Variants in ABITRAM observed in about 807,000 individuals in gnomAD.
The protein encoded by ABITRAM is actin binding transcription modulator.
A neutral mutation model predicts 22.9 loss-of-function variants in ABITRAM; 19 were observed. The ratio of observed to expected loss-of-function variants is 0.83; its 90% CI spans 0.58 to 1.22. The LOEUF (loss-of-function observed/expected upper bound fraction) is 1.22. Among genes scored for constraint, ABITRAM ranks in the 50% most tolerant of loss-of-function variants. ABITRAM has a pLI of 0.00. For missense variants in ABITRAM, 215 were observed against 220.2 expected (o/e 0.98, Z 0.15); for synonymous variants, 70 against 73.9 (o/e 0.95, Z 0.27).
chr9:108,938,034 A>G (rs1022779709), intron 3 of ABITRAM, among the ~76,000 whole-genome samples: 2 of 151,934 alleles, frequency 1.3e-5, no homozygotes, highest in African/African-American at 2.4e-5. Context: ...TCCTGTTACA[A>G]GTGAAGAACA....
downstream of ABITRAM, chr9:108,943,763 A>C: frequency 6.2e-7 from 1 of 1,613,916 alleles, no homozygotes; most frequent in Non-Finnish European, 8.5e-7. Flanking sequence ...GGTGGCATAG[A>C]GGAATTAGCT....
chr9:108,943,903 C>A (rs1830321525), downstream of ABITRAM: 2 of 1,598,088 alleles, frequency 1.3e-6, no homozygotes, highest in Admixed American at 3.4e-5. Flanking sequence ...GATATTATAC[C>A]CCCAAAGTAG....
downstream of ABITRAM, among the ~76,000 whole-genome samples, chr9:108,941,740 T>TA (rs1368946182): frequency 6.6e-6 from 1 of 152,170 alleles, no homozygotes; most frequent in Non-Finnish European, 1.5e-5. Flanking sequence ...CATACCCTGT[T>TA]AGATTTCAAA....
intron 3 of ABITRAM, chr9:108,948,254 TAAGAAGG>T: frequency 6.2e-7 from 1 of 1,604,864 alleles, no homozygotes; most frequent in South Asian, 1.1e-5. Flanking sequence ...AATTAATTGT[TAAGAAGG>T]TAACAAAAAG....
rs1830231933 is a variant in ABITRAM at position 108,939,591 on chromosome 9, G to T, written c.451G>T (p.Glu151Ter). The change falls in exon 6 of 6, where the codon GAA becomes TAA. Residue 151 changes from glutamate to a stop codon, truncating the protein, a stop_gained. Transcript: ENST00000322940. LOFTEE classifies it high-confidence loss of function. The part of the protein sequence containing the change: ...GYIAVVLPKF[E>*]ESKSITEGLL... ...CATTGCAGTTGTGTTACCCAAATTTGAAGAAAGTAAAAGCATAACAGAAGG... is the reference window on the plus strand; with the variant it reads ...CATTGCAGTTGTGTTACCCAAATTTTAAGAAAGTAAAAGCATAACAGAAGG... The T allele has an allele frequency of 6.2e-7, 1 of 1,613,616 alleles. No individual in the cohort carries two copies. Among genetic ancestry groups the T allele is most frequent in the Non-Finnish European group, 8.5e-7 (1 of 1,179,910 alleles).
chr9:108,945,887 G>C (rs141895104), downstream of ABITRAM, among the ~76,000 whole-genome samples: 9 of 152,260 alleles, frequency 5.9e-5, no homozygotes, highest in African/African-American at 1.9e-4. Context: ...TACTTAACAT[G>C]TGCAAAACAA....
intron 3 of ABITRAM, among the ~76,000 whole-genome samples, chr9:108,936,914 G>A (rs1830196149): frequency 6.6e-6 from 1 of 151,908 alleles, no homozygotes; most frequent in African/African-American, 2.4e-5. Context: ...TATAATCTCA[G>A]CATTTTGGGA....
intron 3 of ABITRAM, 70 bp from the exon 4 acceptor site, chr9:108,939,126 C>A: frequency 7.6e-7 from 1 of 1,312,236 alleles, no homozygotes; most frequent in Non-Finnish European, 1.1e-6. Context: ...TGTTATACAC[C>A]TAAGGGCTAC....
At chr9:108,934,642 G>A in intron 1 of ABITRAM, 77 bp downstream of exon 1, 1 of 1,377,878 alleles carries the variant, frequency 7.3e-7, no homozygotes, top group South Asian at 1.3e-5. Context: ...CAGATCATAA[G>A]CCACGCGCGC....
chr9:108,948,072 G>A, intron 3 of ABITRAM: 2 of 1,203,572 alleles, frequency 1.7e-6, no homozygotes, highest in East Asian at 5.0e-5. Flanking sequence ...GTAATACACA[G>A]GTAGGTACAG....
intron 2 of ABITRAM, 37 bp downstream of exon 2, chr9:108,935,726 T>A (rs759637614): frequency 3.9e-6 from 6 of 1,519,732 alleles, no homozygotes; most frequent in Non-Finnish European, 4.6e-6. Context: ...TCAAAAATTT[T>A]TTTTTCCTGG....
intron 3 of ABITRAM, chr9:108,948,271 G>T (rs1200711546): frequency 6.3e-7 from 1 of 1,581,194 alleles, no homozygotes. Context: ...GTAACAAAAA[G>T]TTATTACCTG....
downstream of ABITRAM, chr9:108,943,936 G>A: frequency 6.2e-7 from 1 of 1,610,664 alleles, no homozygotes; most frequent in African/African-American, 1.3e-5. Flanking sequence ...ACCACCACCA[G>A]CTCCAGGTAG....
intron 1 of ABITRAM, among the ~76,000 whole-genome samples, chr9:108,935,374 A>T (rs1327792627): frequency 6.6e-6 from 1 of 152,200 alleles, no homozygotes; most frequent in Non-Finnish European, 1.5e-5. Context: ...ACGTGTACTC[A>T]TTTTGAAGTG....
At chr9:108,934,766 C>G (rs572918270) in intron 1 of ABITRAM, among the ~76,000 whole-genome samples, 1 of 152,274 alleles carries the variant, frequency 6.6e-6, no homozygotes, top group Non-Finnish European at 1.5e-5. Context: ...AGGGCGCATT[C>G]TGGGGCCGGC....
At chr9:108,939,525 T>C in intron 5 of ABITRAM, 24 bp from the exon 6 acceptor site, 1 of 1,612,636 alleles carries the variant, frequency 6.2e-7, no homozygotes, top group Non-Finnish European at 8.5e-7. Flanking sequence ...CGTTTGACAG[T>C]ACTAAATGTT....
chr9:108,934,743 C>T (rs969585507), intron 1 of ABITRAM, among the ~76,000 whole-genome samples, 178 bp downstream of exon 1: 1 of 152,178 alleles, frequency 6.6e-6, no homozygotes, highest in Middle Eastern at 3.2e-3. Flanking sequence ...GACCTGGTGG[C>T]CTGAAATACT....
chr9:108,944,008 G>C (rs767237003), downstream of ABITRAM: 2 of 1,613,578 alleles, frequency 1.2e-6, no homozygotes, highest in Non-Finnish European at 1.7e-6. Flanking sequence ...TAAACCCTCT[G>C]CAGCAAAAAC....
chr9:108,942,844 G>T, downstream of ABITRAM: 1 of 1,613,362 alleles, frequency 6.2e-7, no homozygotes, highest in Non-Finnish European at 8.5e-7. Context: ...GCTGGAAAGA[G>T]TTAAGACAAT....
Sources: allele counts gnomAD v4.1 joint callset (sites outside exome capture counted in the v4.1 genomes callset), GRCh38; gene constraint gnomAD v4.1.1; transcripts MANE v1.5; gene names NCBI Gene and HGNC (gene_info 2026-07-23, HGNC 2026-07-21).